PEBP4: variants seen among roughly 807,000 people sequenced by gnomAD.
The protein encoded by PEBP4 is phosphatidylethanolamine-binding protein 4.
In PEBP4, 22 loss-of-function variants were observed where a neutral mutation model predicts 23.9. That is an observed-to-expected ratio of 0.92 (90% CI 0.66 to 1.31). PEBP4 has a LOEUF of 1.31. Among genes scored for constraint, PEBP4 ranks in the 40% most tolerant of loss-of-function variants. The pLI, the probability that PEBP4 is intolerant of heterozygous loss-of-function variation, is 0.00. For missense variants in PEBP4, 324 were observed against 281.7 expected (o/e 1.15, Z -1.07); for synonymous variants, 112 against 99.3 (o/e 1.13, Z -0.76).
chr8:22,919,110 C>T (rs143674354), intron 3 of PEBP4, among the ~76,000 whole-genome samples: 7 of 152,350 alleles, frequency 4.6e-5, no homozygotes, highest in African/African-American at 1.7e-4. Flanking sequence ...AGAGAAGAGT[C>T]TATTCCCCGC....
chr8:22,725,971 CTGCATTTTTGGATCGCAG>C (rs1405453535), intron 5 of PEBP4, among the ~76,000 whole-genome samples: 3 of 151,488 alleles, frequency 2.0e-5, no homozygotes, highest in African/African-American at 7.3e-5. Context: ...TCATCTTTCC[CTGCATTTTTGGATCGCAG>C]ATCAGATATA....
intron 3 of PEBP4, among the ~76,000 whole-genome samples, chr8:22,919,484 C>T (rs1809153833): frequency 6.6e-6 from 1 of 152,150 alleles, no homozygotes; most frequent in South Asian, 2.1e-4. Context: ...ATCAGCTTCC[C>T]CAAAACACAC....
chr8:22,844,620 C>T (rs1361567994), intron 3 of PEBP4, among the ~76,000 whole-genome samples: 2 of 152,156 alleles, frequency 1.3e-5, no homozygotes, highest in Non-Finnish European at 2.9e-5. Flanking sequence ...TTTTCTCTCT[C>T]TTTTATTTTG....
chr8:22,788,213 A>G (rs767868541), intron 4 of PEBP4, among the ~76,000 whole-genome samples: 41 of 152,186 alleles, frequency 2.7e-4, no homozygotes, highest in Non-Finnish European at 5.0e-4. Flanking sequence ...TAGCTGAAAG[A>G]TGAAGGGGTT....
chr8:22,824,612 A>G (rs1283823532), intron 3 of PEBP4, among the ~76,000 whole-genome samples: 2 of 152,240 alleles, frequency 1.3e-5, no homozygotes, highest in Non-Finnish European at 2.9e-5. Flanking sequence ...ACTGTAATGT[A>G]GAATCGGTGA....
chr8:22,715,621 C>T (rs1483800332), intron 6 of PEBP4, among the ~76,000 whole-genome samples: 1 of 152,214 alleles, frequency 6.6e-6, no homozygotes, highest in Admixed American at 6.5e-5. Flanking sequence ...GCTGGCTCCC[C>T]TCAATAGTTC....
chr8:22,764,021 A>T (rs533196301), intron 4 of PEBP4, among the ~76,000 whole-genome samples: 1 of 152,200 alleles, frequency 6.6e-6, no homozygotes, highest in Non-Finnish European at 1.5e-5. Flanking sequence ...AACGCTCATC[A>T]GTTTCTTCAC....
intron 4 of PEBP4, among the ~76,000 whole-genome samples, chr8:22,748,147 G>A (rs866887002): frequency 3.3e-5 from 5 of 152,192 alleles, no homozygotes; most frequent in Admixed American, 2.0e-4. Context: ...ATGAGCCTGT[G>A]CCAAGCTCTG....
intron 2 of PEBP4, among the ~76,000 whole-genome samples, chr8:22,921,993 T>C (rs7816391): frequency 0.022 from 3,295 of 152,296 alleles, 135 homozygotes; most frequent in African/African-American, 0.075. Context: ...ATAACCCCTC[T>C]CCCCTTTTTA....
chr8:22,737,533 C>T (rs1324695467), intron 4 of PEBP4, among the ~76,000 whole-genome samples: 3 of 152,028 alleles, frequency 2.0e-5, no homozygotes, highest in Admixed American at 6.6e-5. Context: ...CAGGATCCCC[C>T]CACTCCCCCC....
At chr8:22,852,659 C>G (rs896699694) in intron 3 of PEBP4, among the ~76,000 whole-genome samples, 15 of 151,428 alleles carry the variant, frequency 9.9e-5, no homozygotes, top group African/African-American at 3.2e-4. Flanking sequence ...CCTGGCCGTG[C>G]AAAGTCCTCA....
intron 3 of PEBP4, chr8:22,895,708 G>A (rs1348365759): frequency 6.6e-6 from 1 of 152,092 alleles, no homozygotes; most frequent in Admixed American, 6.6e-5. Context: ...GCTCTGTTCT[G>A]TCCCCCAGCC....
At chr8:22,829,662 T>A (rs560427306) in intron 3 of PEBP4, among the ~76,000 whole-genome samples, 4 of 152,274 alleles carry the variant, frequency 2.6e-5, no homozygotes, top group African/African-American at 9.6e-5. Context: ...CTCCCCATCA[T>A]CAGCAATACC....
chr8:22,808,459 TAAG>T (rs957994495), intron 4 of PEBP4, among the ~76,000 whole-genome samples: 1 of 152,232 alleles, frequency 6.6e-6, no homozygotes, highest in African/African-American at 2.4e-5. Flanking sequence ...GCTAAGAATA[TAAG>T]AAGACACATT....
At position 22,756,375 on chromosome 8, in the gene PEBP4, G is replaced by A. The variant is rs117294786; in HGVS notation, c.358-29155C>T. Among the ~76,000 whole-genome samples the A allele has an allele frequency of 7.7e-4, 118 of 152,358 alleles. No homozygotes were observed. The East Asian group carries it at 0.021, about 27-fold the overall frequency. On this transcript the variant is annotated intron_variant, in intron 4 of 6. Coordinates refer to ENST00000256404, the MANE Select transcript of PEBP4 (RefSeq NM_144962.3). Reference sequence around the variant, plus strand: ...CAGCTCAGGAGAGCTAACAGTGAGCGAGGGAGGCTGTTATGTAACCGACTG... The same window carrying A: ...CAGCTCAGGAGAGCTAACAGTGAGCAAGGGAGGCTGTTATGTAACCGACTG...
At chr8:22,883,393 T>C (rs1808304389) in intron 3 of PEBP4, among the ~76,000 whole-genome samples, 1 of 151,700 alleles carries the variant, frequency 6.6e-6, no homozygotes, top group Admixed American at 6.6e-5. Context: ...GTCCCAATAC[T>C]CAAACCCACT....
chr8:22,919,451 A>G (rs917596284), intron 3 of PEBP4, among the ~76,000 whole-genome samples: 2 of 152,114 alleles, frequency 1.3e-5, no homozygotes, highest in African/African-American at 4.8e-5. Flanking sequence ...CAAGAAATAA[A>G]GAAGCGGAGA....
chr8:22,733,194 C>T (rs556920052), intron 4 of PEBP4, among the ~76,000 whole-genome samples: 66 of 152,320 alleles, frequency 4.3e-4, no homozygotes, highest in Non-Finnish European at 7.1e-4. Context: ...AGCTTCAGCT[C>T]CTCGAGGGTG....
intron 4 of PEBP4, among the ~76,000 whole-genome samples, chr8:22,761,169 T>A (rs1309101789): frequency 1.3e-5 from 2 of 152,172 alleles, no homozygotes; most frequent in Non-Finnish European, 2.9e-5. Flanking sequence ...GTCATGCTTC[T>A]CAGACCTGAA....
Sources: allele counts gnomAD v4.1 joint callset (sites outside exome capture counted in the v4.1 genomes callset), GRCh38; gene constraint gnomAD v4.1.1; transcripts MANE v1.5; gene names NCBI Gene and HGNC (gene_info 2026-07-23, HGNC 2026-07-21).